Variants in FAM81A observed in about 807,000 individuals in gnomAD.
FAM81A encodes protein FAM81A.
In FAM81A, 19 loss-of-function variants were observed where a neutral mutation model predicts 46.7. That is an observed-to-expected ratio of 0.41 (90% CI 0.28 to 0.60). FAM81A has a LOEUF of 0.60. Among genes scored for constraint, FAM81A ranks in the 20% least tolerant of loss-of-function variants. The pLI, the probability that FAM81A is intolerant of heterozygous loss-of-function variation, is 0.34. For missense variants in FAM81A, 377 were observed against 453.5 expected, an observed-to-expected ratio of 0.83 and a Z score of 1.53; for synonymous variants, 183 against 152.9, an observed-to-expected ratio of 1.20 and a Z score of -1.45.
At chr15:59,441,024 C>T (rs1267158891) in intron 1 of FAM81A, among the ~76,000 whole-genome samples, 1 of 152,142 alleles carries the variant, frequency 6.6e-6, no homozygotes, top group African/African-American at 2.4e-5. Context: ...TTCCTCAAGG[C>T]CCCCAAGCAT....
chr15:59,517,503 C>G (rs1596551325), intron 8 of FAM81A, among the ~76,000 whole-genome samples: 1 of 152,120 alleles, frequency 6.6e-6, no homozygotes, highest in Non-Finnish European at 1.5e-5. Flanking sequence ...AGAAAATATT[C>G]AAGTAGAGGC....
At chr15:59,470,919 C>G (rs2081679484) in intron 3 of FAM81A, among the ~76,000 whole-genome samples, 1 of 152,048 alleles carries the variant, frequency 6.6e-6, no homozygotes, top group East Asian at 1.9e-4. Flanking sequence ...ACCTCCTGGG[C>G]TCAGGTGATT....
At chr15:59,503,868 C>G (rs2082122013) in intron 4 of FAM81A, among the ~76,000 whole-genome samples, 1 of 152,178 alleles carries the variant, frequency 6.6e-6, no homozygotes, top group African/African-American at 2.4e-5. Context: ...CCACTGTGCC[C>G]AGCCCTAGCC....
rs1483607550 is a variant in FAM81A at position 59,419,084 on chromosome 15, T to C, written c.-78+16726T>C. ...ATTCTGGTTTTAAGTCACTGGTAGTTGGTTACTAAAATCATTTCATCAGTT... is the reference window on the plus strand; with the variant it reads ...ATTCTGGTTTTAAGTCACTGGTAGTCGGTTACTAAAATCATTTCATCAGTT... On this transcript the variant is annotated intron_variant, in intron 2 of 4. Transcript: ENST00000558348. 2.0e-5 allele frequency among the ~76,000 whole-genome samples: 3 copies of C among 152,234 alleles called. No individual in the cohort carries two copies. In the South Asian group the frequency reaches 6.2e-4, roughly 31 times the overall value.
At chr15:59,422,712 A>G (rs916774034) in intron 2 of FAM81A, among the ~76,000 whole-genome samples, 2 of 152,028 alleles carry the variant, frequency 1.3e-5, no homozygotes, top group Non-Finnish European at 1.5e-5. Flanking sequence ...TCCTGACCTC[A>G]TGATCTGTCT....
chr15:59,517,584 T>C (rs2082280895), intron 8 of FAM81A, among the ~76,000 whole-genome samples: 1 of 152,222 alleles, frequency 6.6e-6, no homozygotes, highest in Non-Finnish European at 1.5e-5. Flanking sequence ...TCCTAGCTTC[T>C]TCCAGTTGTA....
chr15:59,398,901 G>C lies in FAM81A; in HGVS notation c.-160-3375G>C, dbSNP rs992971992. On this transcript the variant is annotated intron_variant, in intron 1 of 4. Transcript: ENST00000558348. ...AAATCAGCTATCGGCCAGGTATGAT[G>C]GCTCACGCCTGTAATCCCAGCACTT... Among the ~76,000 whole-genome samples the C allele has an allele frequency of 1.1e-4, 16 of 150,336 alleles. 1 individual carries two copies. Among genetic ancestry groups the C allele is most frequent in the Middle Eastern group, 3.6e-3 (1 of 274 alleles).
upstream of FAM81A, among the ~76,000 whole-genome samples, chr15:59,436,834 A>G (rs2081246530): frequency 6.6e-6 from 1 of 152,210 alleles, no homozygotes; most frequent in African/African-American, 2.4e-5. Context: ...ACAAGACTCA[A>G]GGCCATTACT....
intron 2 of FAM81A, among the ~76,000 whole-genome samples, chr15:59,408,594 C>A (rs1321176855): frequency 1.3e-5 from 2 of 152,062 alleles, no homozygotes; most frequent in Non-Finnish European, 2.9e-5. Context: ...TTTGGGAGGC[C>A]AAGGCAGGTG....
At chr15:59,421,624 A>T (rs1289864115) in intron 2 of FAM81A, among the ~76,000 whole-genome samples, 1 of 152,156 alleles carries the variant, frequency 6.6e-6, no homozygotes, top group Non-Finnish European at 1.5e-5. Context: ...TTGCTGGCCT[A>T]TACCTGGAGT....
intron 1 of FAM81A, chr15:59,402,038 G>T: frequency 1.8e-6 from 1 of 568,568 alleles, no homozygotes; most frequent in East Asian, 3.2e-5. Flanking sequence ...AGCAGCCCCT[G>T]GGGTGCGAAA....
upstream of FAM81A, among the ~76,000 whole-genome samples, chr15:59,433,532 A>C (rs1314936538): frequency 3.9e-5 from 6 of 152,366 alleles, no homozygotes; most frequent in African/African-American, 1.4e-4. Flanking sequence ...ATTCATAAGC[A>C]AAACATAATA....
At chr15:59,462,265 C>A (rs1382486547) in intron 3 of FAM81A, among the ~76,000 whole-genome samples, 3 of 151,938 alleles carry the variant, frequency 2.0e-5, no homozygotes, top group Non-Finnish European at 4.4e-5. Flanking sequence ...TTTTACAATC[C>A]CACAAGCAAT....
chr15:59,435,104 T>A (rs1383900916), upstream of FAM81A, among the ~76,000 whole-genome samples: 3 of 152,088 alleles, frequency 2.0e-5, no homozygotes, highest in Non-Finnish European at 4.4e-5. Context: ...CTGGCCAACA[T>A]GACAAGACCC....
chr15:59,403,402 G>A (rs776712068), intron 2 of FAM81A, among the ~76,000 whole-genome samples: 2 of 152,308 alleles, frequency 1.3e-5, no homozygotes, highest in Middle Eastern at 6.8e-3. Context: ...CCTAAGCATA[G>A]ACAGAGAAAA....
At position 59,521,465 on chromosome 15, in the gene FAM81A, A is replaced by G. The variant is rs1456720590; in HGVS notation, c.*87A>G. 9 of 1,452,748 alleles carry G rather than the reference A, an allele frequency of 6.2e-6. No individual in the cohort carries two copies. Among genetic ancestry groups the G allele is most frequent in the South Asian group, 2.8e-5 (2 of 70,492 alleles). 90.0% of individuals were successfully genotyped at this position (1,452,748 alleles called of 1,614,324 possible). A position where few individuals can be genotyped will look rare whatever the true frequency, so the allele number is the denominator to read the frequency against. On this transcript the variant is annotated 3_prime_UTR_variant, in exon 9 of 9. Coordinates refer to ENST00000288228, the MANE Select transcript of FAM81A (RefSeq NM_152450.3). The stretch of plus-strand genomic sequence containing the variant: ...CTGTAGCCAGGCCATCGCTGCATTC[A>G]GGATTGTTCCATCCATGGCGTGCAT...
chr15:59,489,302 C>T (rs568384299), intron 3 of FAM81A, among the ~76,000 whole-genome samples: 19 of 150,394 alleles, frequency 1.3e-4, no homozygotes, highest in African/African-American at 3.9e-4. Flanking sequence ...TACATACATA[C>T]ATACATACAT....
chr15:59,421,778 TCTATCTATCTATCTAC>T (rs1567039159), intron 2 of FAM81A, among the ~76,000 whole-genome samples: 300 of 131,754 alleles, frequency 2.3e-3, no homozygotes, highest in African/African-American at 7.2e-3. Flanking sequence ...TATCTATCTA[TCTATCTATCTATCTAC>T]CTACCTAACT....
chr15:59,439,764 C>G (rs769847220), intron 1 of FAM81A, among the ~76,000 whole-genome samples: 5 of 152,116 alleles, frequency 3.3e-5, no homozygotes, highest in Non-Finnish European at 7.3e-5. Context: ...TACTTAGTGT[C>G]CAGGAATTCA....
Sources: gnomAD v4.1 joint callset for allele counts (sites outside exome capture counted in the v4.1 genomes callset) on GRCh38, gnomAD v4.1.1 for gene constraint, MANE v1.5 for transcripts, NCBI Gene and HGNC (gene_info 2026-07-23, HGNC 2026-07-21) for gene names.